Variants in GAREM1 observed in about 807,000 individuals in gnomAD.
GAREM1 encodes the protein GRB2-associated and regulator of MAPK protein 1.
Under a neutral mutation model 71.3 loss-of-function variants are expected in GAREM1, and 26 were observed. That is an observed-to-expected ratio of 0.36 (90% CI 0.27 to 0.51). The LOEUF (loss-of-function observed/expected upper bound fraction) is 0.51. Among genes scored for constraint, GAREM1 ranks in the 20% least tolerant of loss-of-function variants. GAREM1 has a pLI of 0.95. For synonymous variants in GAREM1, 440 were observed against 433.2 expected, an observed-to-expected ratio of 1.02 and a Z score of -0.20; for missense variants, 1,026 against 1,103.1, an observed-to-expected ratio of 0.93 and a Z score of 0.99.
At chr18:32,451,660 G>C (rs1401278107) in intron 1 of GAREM1, among the ~76,000 whole-genome samples, 1 of 152,018 alleles carries the variant, frequency 6.6e-6, no homozygotes, top group East Asian at 1.9e-4. Flanking sequence ...AAACCCTATA[G>C]CTTCCAAATA....
chr18:32,444,183 T>G (rs2144279709), intron 1 of GAREM1, among the ~76,000 whole-genome samples: 1 of 152,306 alleles, frequency 6.6e-6, no homozygotes, highest in Admixed American at 6.5e-5. Flanking sequence ...GTTCTGGAAT[T>G]AACAAATGGT....
chr18:32,427,396 T>C (rs1385941201), intron 1 of GAREM1, among the ~76,000 whole-genome samples: 1 of 152,170 alleles, frequency 6.6e-6, no homozygotes. Context: ...CAGCCCCAAA[T>C]CATTCTGTTA....
At chr18:32,301,451 C>T (rs11661186) in intron 3 of GAREM1, among the ~76,000 whole-genome samples, 13,126 of 152,060 alleles carry the variant, frequency 0.086, 1,076 homozygotes, top group African/African-American at 0.21. Flanking sequence ...AGTGGCTAAC[C>T]GGGTCTAAAT....
intron 1 of GAREM1, among the ~76,000 whole-genome samples, chr18:32,400,987 T>C (rs150623139): frequency 0.13 from 20,300 of 152,136 alleles, 1,565 homozygotes; most frequent in African/African-American, 0.21. Context: ...TGGAATACTA[T>C]GCAGCCAGAA....
intron 1 of GAREM1, among the ~76,000 whole-genome samples, chr18:32,404,067 T>C (rs1024796266): frequency 1.1e-4 from 17 of 152,116 alleles, no homozygotes; most frequent in Admixed American, 3.3e-4. Flanking sequence ...TTGAATCTTA[T>C]TTTTTTTATG....
intron 1 of GAREM1, among the ~76,000 whole-genome samples, chr18:32,414,497 A>T (rs1263420530): frequency 6.6e-6 from 1 of 152,162 alleles, no homozygotes; most frequent in Non-Finnish European, 1.5e-5. Context: ...CATGCAAAAA[A>T]ACTGAAATAA....
chr18:32,326,237 A>G (rs1234280491), intron 2 of GAREM1, among the ~76,000 whole-genome samples: 2 of 152,186 alleles, frequency 1.3e-5, no homozygotes, highest in Non-Finnish European at 2.9e-5. Context: ...AAAGATAGAG[A>G]CTGGGAAATA....
chr18:32,420,034 C>T (rs1385362046), intron 1 of GAREM1, among the ~76,000 whole-genome samples: 1 of 152,214 alleles, frequency 6.6e-6, no homozygotes, highest in African/African-American at 2.4e-5. Flanking sequence ...ACACACTCCA[C>T]AGGCTCTGGA....
intron 1 of GAREM1, among the ~76,000 whole-genome samples, chr18:32,395,750 G>C (rs547575815): frequency 2.0e-5 from 3 of 152,282 alleles, no homozygotes; most frequent in Admixed American, 6.5e-5. Flanking sequence ...GGGCATAGCC[G>C]AACAAAAGGC....
At chr18:32,382,560 CA>C (rs1468263238) in intron 2 of GAREM1, among the ~76,000 whole-genome samples, 1 of 152,056 alleles carries the variant, frequency 6.6e-6, no homozygotes, top group Non-Finnish European at 1.5e-5. Context: ...CACCAGACCT[CA>C]AAAAGGCCCA....
intron 2 of GAREM1, among the ~76,000 whole-genome samples, chr18:32,318,618 C>T (rs769544099): frequency 3.0e-4 from 45 of 152,186 alleles, no homozygotes; most frequent in Non-Finnish European, 5.1e-4. Context: ...GATGCAGCTC[C>T]GCATGATGTG....
chr18:32,349,711 AC>A (rs2144589826), intron 2 of GAREM1, among the ~76,000 whole-genome samples: 1 of 152,372 alleles, frequency 6.6e-6, no homozygotes, highest in East Asian at 1.9e-4. Context: ...CAACTGATAA[AC>A]TTTTGGTCAT....
At chr18:32,428,751 G>A (rs2048597521) in intron 1 of GAREM1, among the ~76,000 whole-genome samples, 1 of 152,086 alleles carries the variant, frequency 6.6e-6, no homozygotes, top group South Asian at 2.1e-4. Flanking sequence ...CCAGAGGAGG[G>A]GCCCCAGACA....
At chr18:32,339,467 G>T (rs1390137079) in intron 2 of GAREM1, among the ~76,000 whole-genome samples, 1 of 152,178 alleles carries the variant, frequency 6.6e-6, no homozygotes, top group African/African-American at 2.4e-5. Flanking sequence ...GCACTTGCAG[G>T]CAGAAAATGT....
chr18:32,280,817 C>T (rs1441131174), intron 4 of GAREM1, among the ~76,000 whole-genome samples: 4 of 151,364 alleles, frequency 2.6e-5, no homozygotes, highest in African/African-American at 7.3e-5. Flanking sequence ...GGCTGACTGA[C>T]CCCCGTGGTA....
chr18:32,394,317 G>A (rs976057125), intron 1 of GAREM1, among the ~76,000 whole-genome samples: 25 of 152,138 alleles, frequency 1.6e-4, no homozygotes, highest in Non-Finnish European at 1.6e-4. Context: ...TAGGAGGATC[G>A]CTTGAGCCCG....
At chr18:32,280,234 CA>C (rs2144442727) in intron 4 of GAREM1, among the ~76,000 whole-genome samples, 1 of 152,180 alleles carries the variant, frequency 6.6e-6, no homozygotes, top group South Asian at 2.1e-4. Context: ...AATAAAAATG[CA>C]GAGTACAATC....
Position 32,267,814 on chromosome 18 carries a change from C to T in GAREM1, c.*57G>A, listed in dbSNP as rs965594778. ...AAACATGAAATTGTGTCCCAGCCCA[C>T]CCCTTCTAGCACACGCATTGATCAG... is the stretch of plus-strand genomic sequence containing the variant. On this transcript the variant is annotated 3_prime_UTR_variant, in exon 6 of 6. Transcript: ENST00000269209. 1.4e-6 allele frequency: 2 copies of T among 1,399,190 alleles called. No homozygotes were observed. Among genetic ancestry groups the T allele is most frequent in the Non-Finnish European group, 2.0e-6 (2 of 1,018,446 alleles). 86.7% of individuals were successfully genotyped at this position (1,399,190 alleles called of 1,614,324 possible). A position where few individuals can be genotyped will look rare whatever the true frequency, so the allele number is the denominator to read the frequency against.
chr18:32,321,747 CT>C (rs1231000890), intron 2 of GAREM1, among the ~76,000 whole-genome samples: 12 of 152,160 alleles, frequency 7.9e-5, no homozygotes, highest in Non-Finnish European at 1.6e-4. Flanking sequence ...TGATCAAATC[CT>C]TTCTGTCTCC....
Sources: gnomAD v4.1 joint callset for allele counts (sites outside exome capture counted in the v4.1 genomes callset) on GRCh38, gnomAD v4.1.1 for gene constraint, MANE v1.5 for transcripts, NCBI Gene and HGNC (gene_info 2026-07-23, HGNC 2026-07-21) for gene names.